Variants in TMCO5A observed in about 807,000 individuals in gnomAD.
TMCO5A encodes the protein transmembrane and coiled-coil domain-containing protein 5A.
TMCO5A carries 34 observed loss-of-function variants against 42.3 expected under a neutral mutation model. The observed-to-expected ratio is 0.80, with a 90% CI of 0.61 to 1.07. The LOEUF (loss-of-function observed/expected upper bound fraction) is 1.07. Ranked by LOEUF, TMCO5A falls within the 50% of genes least tolerant of loss-of-function variation. The pLI is 0.00. For synonymous variants in TMCO5A, 131 were observed against 115.6 expected (o/e 1.13, Z -0.86); for missense variants, 357 against 327.9 (o/e 1.09, Z -0.69).
At chr15:38,002,836 G>A in the TMCO5A span, among the ~76,000 whole-genome samples, 4 of 152,062 alleles carry the variant, frequency 2.6e-5, no homozygotes, top group African/African-American at 9.7e-5. Context: ...ACATATCTCT[G>A]TGTCTTTGGT....
intron 11 of TMCO5A, among the ~76,000 whole-genome samples, chr15:37,964,222 T>C (rs1292409153): frequency 1.3e-5 from 2 of 152,188 alleles, no homozygotes; most frequent in Admixed American, 1.3e-4. Context: ...TCCCTTTTCC[T>C]AAGAATGTGG....
the TMCO5A span, among the ~76,000 whole-genome samples, chr15:37,987,864 T>C: frequency 1.3e-5 from 2 of 151,970 alleles, no homozygotes; most frequent in Non-Finnish European, 2.9e-5. Flanking sequence ...TCCATGTAAA[T>C]TTTAGGATAA....
At chr15:37,980,578 A>G in the TMCO5A span, among the ~76,000 whole-genome samples, 1 of 127,536 alleles carries the variant, frequency 7.8e-6, no homozygotes, top group African/African-American at 3.1e-5. Context: ...CTTATTCGCC[A>G]CTCTTTCTCC....
the TMCO5A span, among the ~76,000 whole-genome samples, chr15:37,973,430 A>G: frequency 6.6e-6 from 1 of 151,976 alleles, no homozygotes; most frequent in Non-Finnish European, 1.5e-5. Context: ...TAAGCATTGA[A>G]TATGTCATCT....
chr15:37,976,793 C>CTTTTTT, the TMCO5A span, among the ~76,000 whole-genome samples: 30 of 116,838 alleles, frequency 2.6e-4, no homozygotes, highest in Middle Eastern at 4.2e-3. Flanking sequence ...TTTCTTCTTT[C>CTTTTTT]TTTTTTTTTT....
downstream of TMCO5A, among the ~76,000 whole-genome samples, chr15:37,972,301 C>G (rs945570527): frequency 3.9e-5 from 6 of 152,110 alleles, no homozygotes; most frequent in African/African-American, 1.4e-4. Context: ...GACCTGCCAC[C>G]ATGATTCAAT....
the TMCO5A span, among the ~76,000 whole-genome samples, chr15:38,039,808 A>G: frequency 1.3e-5 from 2 of 152,362 alleles, no homozygotes; most frequent in South Asian, 4.1e-4. Flanking sequence ...TTAGCTACAC[A>G]AACACCACAT....
At chr15:38,017,541 G>A in the TMCO5A span, among the ~76,000 whole-genome samples, 39,705 of 151,836 alleles carry the variant, frequency 0.26, 5,891 homozygotes, top group African/African-American at 0.41. Context: ...AAGGAAAAAA[G>A]CACTCAGTGG....
At chr15:37,955,319 C>T (rs1379850978), downstream of TMCO5A, among the ~76,000 whole-genome samples, 1 of 145,374 alleles carries the variant, frequency 6.9e-6, no homozygotes, top group East Asian at 2.0e-4. Context: ...CTGAAAAGAC[C>T]AATAACAAGT....
At chr15:38,017,342 G>A in the TMCO5A span, among the ~76,000 whole-genome samples, 25 of 152,132 alleles carry the variant, frequency 1.6e-4, no homozygotes, top group African/African-American at 5.3e-4. Flanking sequence ...TTAAATCTCC[G>A]AGAAGCAGGA....
chr15:37,957,072 G>T lies in TMCO5A; in HGVS notation c.668+9376G>T, dbSNP rs1890309272. Among the ~76,000 whole-genome samples, 4 of 152,060 alleles carry T rather than the reference G, an allele frequency of 2.6e-5. No individual in the cohort carries two copies. The South Asian group carries it at 8.3e-4, about 31-fold the overall frequency. On this transcript the variant is annotated intron_variant, in intron 11 of 11. Coordinates refer to the TMCO5A transcript ENST00000559502. ...ATGCTAAAAACTCTCAATAAACTAG[G>T]TATTGATGGAACATTTCTCAAAATA...
chr15:37,989,310 G>C, the TMCO5A span, among the ~76,000 whole-genome samples: 2 of 151,642 alleles, frequency 1.3e-5, no homozygotes, highest in African/African-American at 4.8e-5. Flanking sequence ...AAAAATTTCT[G>C]CTCTAATCTT....
rs1889837222 is a variant in TMCO5A at position 37,943,701 on chromosome 15, G to A, written c.627+303G>A. The stretch of plus-strand genomic sequence containing the variant: ...ATTGAGGGTATGCTCTATAGAAAGA[G>A]GCCAATATAGGGCACATACACCACC... On this transcript the variant is annotated intron_variant, in intron 10 of 11. Transcript: ENST00000319669. The A allele has an allele frequency of 1.3e-5, 4 of 302,386 alleles. No individual in the cohort carries two copies. In the South Asian group the frequency reaches 1.9e-4, roughly 14 times the overall value. The allele number at this position is 302,386 out of a possible 1,614,324, so 18.7% of individuals were successfully genotyped here.
rs545085274 is a variant in TMCO5A, at chr15:37,964,425, A to T, written c.669-2200A>T. Among the ~76,000 whole-genome samples the T allele has an allele frequency of 8.6e-5, 13 of 151,996 alleles. No individual in the cohort carries two copies. The East Asian group carries it at 1.2e-3, about 14-fold the overall frequency. On this transcript the variant is annotated intron_variant, in intron 11 of 11. Coordinates refer to the TMCO5A transcript ENST00000559502. ...CTTCCGGGTCCTGCAGGAGTAGTCC[A>T]CTTCCTTCAGAGGATCTGTAGGTCC...
At chr15:37,976,793 C>CTTTTTTTT in the TMCO5A span, among the ~76,000 whole-genome samples, 51 of 116,838 alleles carry the variant, frequency 4.4e-4, no homozygotes, top group Non-Finnish European at 7.2e-4. Context: ...TTTCTTCTTT[C>CTTTTTTTT]TTTTTTTTTT....
chr15:37,957,372 T>C (rs912431985), intron 11 of TMCO5A, among the ~76,000 whole-genome samples: 1 of 152,222 alleles, frequency 6.6e-6, no homozygotes, highest in Admixed American at 6.5e-5. Flanking sequence ...CTCCTTAAGC[T>C]GATAAGCAAC....
chr15:37,946,615 T>A (rs1166728872), intron 10 of TMCO5A, among the ~76,000 whole-genome samples: 3 of 152,126 alleles, frequency 2.0e-5, no homozygotes, highest in Non-Finnish European at 2.9e-5. Flanking sequence ...TTTTATTTTT[T>A]TGTAGCAACT....
At chr15:37,946,601 G>A (rs1292165424) in intron 10 of TMCO5A, among the ~76,000 whole-genome samples, 2 of 151,948 alleles carry the variant, frequency 1.3e-5, no homozygotes, top group African/African-American at 4.8e-5. Context: ...TGTATTCCTA[G>A]GTATTTTATT....
chr15:37,988,222 T>A, the TMCO5A span, among the ~76,000 whole-genome samples: 2,827 of 152,168 alleles, frequency 0.019, 88 homozygotes, highest in African/African-American at 0.064. Context: ...TGAATTCATT[T>A]ATTATTTTAA....
Sources: allele counts gnomAD v4.1 joint callset (sites outside exome capture counted in the v4.1 genomes callset), GRCh38; gene constraint gnomAD v4.1.1; transcripts MANE v1.5; gene names NCBI Gene and HGNC (gene_info 2026-07-23, HGNC 2026-07-21).